Variants in SETDB1 observed in about 807,000 individuals in gnomAD.
SETDB1 encodes histone-lysine N-methyltransferase SETDB1.
Under a neutral mutation model 137.4 loss-of-function variants are expected in SETDB1, and 31 were observed. The ratio of observed to expected loss-of-function variants is 0.23; its 90% CI spans 0.17 to 0.30. The LOEUF (loss-of-function observed/expected upper bound fraction) is 0.30. Ranked by LOEUF, SETDB1 falls within the 10% of genes least tolerant of loss-of-function variation. The pLI, the probability that SETDB1 is intolerant of heterozygous loss-of-function variation, is 1.00. For synonymous variants in SETDB1, 548 were observed against 579.9 expected (o/e 0.95, Z 0.79); for missense variants, 1,113 against 1,631.5 (o/e 0.68, Z 5.47).
At chr1:150,937,226 G>A (rs587659691) in intron 3 of SETDB1, among the ~76,000 whole-genome samples, 3 of 151,606 alleles carry the variant, frequency 2.0e-5, no homozygotes, top group Admixed American at 6.6e-5. Flanking sequence ...ATAGGTGAAC[G>A]TTGAGGACAT....
chr1:150,947,840 T>G (rs1670375195), intron 10 of SETDB1, among the ~76,000 whole-genome samples: 1 of 152,180 alleles, frequency 6.6e-6, no homozygotes, highest in African/African-American at 2.4e-5. Flanking sequence ...CTGGTTGATT[T>G]TTCCTGCCAA....
chr1:150,944,363 A>AT, intron 8 of SETDB1, among the ~76,000 whole-genome samples: 1 of 152,190 alleles, frequency 6.6e-6, no homozygotes, highest in Non-Finnish European at 1.5e-5. Context: ...AGTCTGCATA[A>AT]TGCTTTCCAC....
Position 150,950,911 on chromosome 1 carries a change from T to C in SETDB1, c.2037T>C (p.Tyr679=). Residue 679 remains tyrosine, a synonymous_variant, in exon 13 of 22, where the codon TAT becomes TAC. Transcript: ENST00000692827. ...TTCAGCCCTATAAGCCTTTTTACTA[T>C]ATTTTGGACATCACTTATGGGAAGG... The part of the protein sequence containing the change: ...RKFQPYKPFY[Y]ILDITYGKED... 6.2e-7 allele frequency: 1 copy of C among 1,614,088 alleles called. No homozygotes were observed. The highest frequency in any genetic ancestry group is 8.5e-7 in the Non-Finnish European group (1 of 1,180,018).
chr1:150,941,296 CA>C, intron 4 of SETDB1, 32 bp from the exon 5 acceptor site: 1 of 1,333,760 alleles, frequency 7.5e-7, no homozygotes, highest in Non-Finnish European at 1.1e-6. Context: ...GCTACTGTTT[CA>C]AAACTTGTTT....
chr1:150,952,042 G>A (rs1670503783), intron 14 of SETDB1, among the ~76,000 whole-genome samples: 1 of 152,044 alleles, frequency 6.6e-6, no homozygotes, highest in Non-Finnish European at 1.5e-5. Context: ...CAACTACTTG[G>A]GAGGCTGAGG....
intron 6 of SETDB1, 47 bp downstream of exon 6, chr1:150,942,735 C>T (rs745618661): frequency 1.2e-6 from 2 of 1,601,108 alleles, no homozygotes; most frequent in Non-Finnish European, 1.7e-6. Context: ...AACCTGCACC[C>T]TCCACTGCTG....
rs10691133 is a variant in SETDB1 at position 150,931,726 on chromosome 1, C to CAAAA, written c.412+1625_412+1628dup. ...CGACAGAGTGAGACTCTGTCTCACCCAAAAAAAAAAAAAAAAAAAACAGAC... is the reference window on the plus strand; with the variant it reads ...CGACAGAGTGAGACTCTGTCTCACCCAAAAAAAAAAAAAAAAAAAAAAAACAGAC... On this transcript the variant is annotated intron_variant, in intron 3 of 21. Coordinates refer to ENST00000692827, the MANE Select transcript of SETDB1 (RefSeq NM_001366418.1). Among the ~76,000 whole-genome samples the CAAAA allele has an allele frequency of 7.8e-3, 564 of 72,100 alleles. 6 individuals carry two copies. The highest frequency in any genetic ancestry group is 0.011 in the Non-Finnish European group (415 of 37,048). The allele number at this position is 72,100 out of a possible 152,430, so 47.3% of individuals were successfully genotyped here.
chr1:150,962,758 A>G, intron 18 of SETDB1, 39 bp downstream of exon 18: 2 of 1,605,362 alleles, frequency 1.2e-6, no homozygotes, highest in Non-Finnish European at 1.7e-6. Context: ...TAATAAAGGA[A>G]AATGGGCCAT....
At position 150,930,054 on chromosome 1, in the gene SETDB1, T is replaced by C; in HGVS notation, c.348T>C (p.Ser116=). The part of the protein sequence containing the change: ...QYRDSSSEDE[S]SRPTEIIEIP... Reference sequence around the variant, plus strand: ...GGGACAGTAGCTCTGAGGACGAATCTTCCCGGCCTACAGAAATAATTGAGA... The same window carrying C: ...GGGACAGTAGCTCTGAGGACGAATCCTCCCGGCCTACAGAAATAATTGAGA... The change falls in exon 3 of 22, where the codon TCT becomes TCC. Residue 116 remains serine (S), a synonymous_variant. Transcript: ENST00000692827. 1 of 1,613,978 alleles carries C rather than the reference T, an allele frequency of 6.2e-7. No homozygotes were observed. The highest frequency in any genetic ancestry group is 1.1e-5 in the South Asian group (1 of 91,082).
rs1669683529 is a variant in SETDB1, at chr1:150,930,298, T to TG, written c.412+181dup. On this transcript the variant is annotated intron_variant, in intron 3 of 21. Coordinates refer to ENST00000692827, the MANE Select transcript of SETDB1 (RefSeq NM_001366418.1). Reference sequence around the variant, plus strand: ...TTGTTAGTATCATAGATGTTCCCTATGTGCTACACCCTGATTGTATTACTT... The same window carrying TG: ...TTGTTAGTATCATAGATGTTCCCTATGGTGCTACACCCTGATTGTATTACTT... 5 of 553,476 alleles carry TG rather than the reference T, an allele frequency of 9.0e-6. No individual in the cohort carries two copies. In the East Asian group the frequency reaches 1.5e-4, roughly 17 times the overall value. The allele number at this position is 553,476 out of a possible 1,614,324, so 34.3% of individuals were successfully genotyped here.
intron 3 of SETDB1, among the ~76,000 whole-genome samples, chr1:150,934,083 C>G (rs888935848): frequency 4.6e-5 from 7 of 151,874 alleles, no homozygotes; most frequent in African/African-American, 1.7e-4. Flanking sequence ...ACACCCGGCC[C>G]CTGATTTTTC....
intron 14 of SETDB1, among the ~76,000 whole-genome samples, chr1:150,955,455 T>G (rs1670609497): frequency 6.6e-6 from 1 of 152,208 alleles, no homozygotes; most frequent in African/African-American, 2.4e-5. Context: ...GTTCAACCAG[T>G]GTTTTCCAGC....
chr1:150,962,317 C>T (rs925919969), intron 17 of SETDB1, among the ~76,000 whole-genome samples, 159 bp downstream of exon 17: 2 of 152,046 alleles, frequency 1.3e-5, no homozygotes, highest in Non-Finnish European at 2.9e-5. Context: ...TACGGGTGTG[C>T]ACCACCATGC....
At chr1:150,935,835 G>A (rs1342255016) in intron 3 of SETDB1, among the ~76,000 whole-genome samples, 1 of 152,160 alleles carries the variant, frequency 6.6e-6, no homozygotes, top group African/African-American at 2.4e-5. Context: ...ATCACTGAGA[G>A]TCAGTTTTAT....
intron 3 of SETDB1, among the ~76,000 whole-genome samples, chr1:150,937,817 T>C (rs987710337): frequency 1.3e-5 from 2 of 152,158 alleles, no homozygotes; most frequent in African/African-American, 4.8e-5. Context: ...TCAGCATTAT[T>C]CATAATAGGC....
At chr1:150,962,183 T>A in intron 17 of SETDB1, 25 bp downstream of exon 17, 3 of 1,610,098 alleles carry the variant, frequency 1.9e-6, no homozygotes. Flanking sequence ...TTTTGTTTTG[T>A]TTTGAGACAG....
chr1:150,963,298 T>C (rs1020157245), intron 19 of SETDB1, 159 bp downstream of exon 19: 3 of 731,198 alleles, frequency 4.1e-6, no homozygotes, highest in East Asian at 2.7e-5. Flanking sequence ...AACTATTGTT[T>C]GACACATCCT....
chr1:150,928,681 G>A (rs1420336404), intron 2 of SETDB1, among the ~76,000 whole-genome samples: 2 of 152,142 alleles, frequency 1.3e-5, no homozygotes, highest in Non-Finnish European at 2.9e-5. Context: ...TATTACATAT[G>A]TATACATGTG....
intron 3 of SETDB1, among the ~76,000 whole-genome samples, chr1:150,937,229 G>A (rs1000163232): frequency 2.0e-5 from 3 of 151,842 alleles, no homozygotes; most frequent in African/African-American, 7.3e-5. Flanking sequence ...GGTGAACGTT[G>A]AGGACATTAT....
Sources: gnomAD v4.1 joint callset for allele counts (sites outside exome capture counted in the v4.1 genomes callset) on GRCh38, gnomAD v4.1.1 for gene constraint, MANE v1.5 for transcripts, NCBI Gene and HGNC (gene_info 2026-07-23, HGNC 2026-07-21) for gene names.